The following MAGED1 variants were observed in gnomAD, a reference collection of about 807,000 sequenced individuals.
MAGED1 encodes melanoma-associated antigen D1.
In MAGED1, 3 loss-of-function variants were observed where a neutral mutation model predicts 54.1. That is an observed-to-expected ratio of 0.06 (90% CI 0.03 to 0.14). MAGED1 has a LOEUF of 0.14. Among genes scored for constraint, MAGED1 ranks in the 10% least tolerant of loss-of-function variants. MAGED1 has a pLI of 1.00. For synonymous variants in MAGED1, 217 were observed against 227.3 expected (o/e 0.95, Z 0.41); for missense variants, 485 against 623.4 (o/e 0.78, Z 2.36).
rs1557365052 is a variant in MAGED1, at chrX:51,901,955, G to T, written c.*8+17G>T. On this transcript the variant is annotated intron_variant, in intron 12 of 12. Coordinates refer to ENST00000326587, the MANE Select transcript of MAGED1 (RefSeq NM_006986.4). ...AGATGTTGGGTAGGTACATCACTTT[G>T]GATTGGGCAGTTAGGGTCTCTGGGG... The T allele has an allele frequency of 8.5e-7, 1 of 1,181,999 alleles. No homozygotes were observed. The highest frequency in any genetic ancestry group is 2.3e-5 in the Admixed American group (1 of 43,336).
chrX:51,836,863 C>G (rs1229384985), intron 1 of MAGED1, among the ~76,000 whole-genome samples: 1 of 111,425 alleles, frequency 9.0e-6, no homozygotes, highest in African/African-American at 3.3e-5. Flanking sequence ...TATGAGCCAC[C>G]GCGCCTGGCA....
chrX:51,824,862 CTGTGTGTGTGTGTGTGTG>C (rs58934297), intron 1 of MAGED1, among the ~76,000 whole-genome samples: 1 of 72,671 alleles, frequency 1.4e-5, no homozygotes. Context: ...TCTCAGAAAC[CTGTGTGTGTGTGTGTGTG>C]TGTGTGTGTG....
At chrX:51,808,645 G>A (rs1473464757) in intron 1 of MAGED1, among the ~76,000 whole-genome samples, 1 of 111,753 alleles carries the variant, frequency 8.9e-6, no homozygotes, top group Non-Finnish European at 1.9e-5. Context: ...GGAGTTTGAG[G>A]CTGAAGACAG....
intron 1 of MAGED1, among the ~76,000 whole-genome samples, chrX:51,881,325 C>G (rs1928044887): frequency 9.0e-6 from 1 of 111,409 alleles, no homozygotes; most frequent in Non-Finnish European, 1.9e-5. Context: ...AACATTTTGT[C>G]CATACCACCC....
At chrX:51,884,683 T>G (rs1557362712) in intron 1 of MAGED1, among the ~76,000 whole-genome samples, 6 of 112,022 alleles carry the variant, frequency 5.4e-5, no homozygotes, top group Non-Finnish European at 1.1e-4. Context: ...GAAAGAAACT[T>G]ACACATTAAT....
intron 1 of MAGED1, among the ~76,000 whole-genome samples, chrX:51,875,871 C>T (rs1269424151): frequency 9.0e-6 from 1 of 111,554 alleles, no homozygotes; most frequent in Non-Finnish European, 1.9e-5. Context: ...AGGAGATTAA[C>T]CTTCTTTCAA....
At chrX:51,846,574 G>A (rs1926694175) in intron 1 of MAGED1, among the ~76,000 whole-genome samples, 1 of 111,630 alleles carries the variant, frequency 9.0e-6, no homozygotes, top group Non-Finnish European at 1.9e-5. Flanking sequence ...CTGAGACTGG[G>A]TAATTTACAA....
chrX:51,825,853 T>G (rs1557356931), intron 1 of MAGED1, among the ~76,000 whole-genome samples: 4 of 112,502 alleles, frequency 3.6e-5, no homozygotes, highest in Non-Finnish European at 7.5e-5. Context: ...TTTCCTTTCA[T>G]TCTTTTTATT....
chrX:51,897,671 GATTTCAAAGATTC>G (rs782603181), intron 6 of MAGED1, 45 bp downstream of exon 6: 3 of 1,132,225 alleles, frequency 2.6e-6, no homozygotes, highest in Middle Eastern at 2.4e-4. Flanking sequence ...GGAAAGTCTT[GATTTCAAAGATTC>G]ATGGGGTTCC....
intron 1 of MAGED1, among the ~76,000 whole-genome samples, chrX:51,878,074 AG>A (rs1927937580): frequency 9.0e-6 from 1 of 111,618 alleles, no homozygotes; most frequent in Non-Finnish European, 1.9e-5. Context: ...GAAATTTTCC[AG>A]TGCAAATCAA....
chrX:51,860,923 T>C (rs1444620743), intron 1 of MAGED1, among the ~76,000 whole-genome samples: 1 of 111,048 alleles, frequency 9.0e-6, no homozygotes, highest in Non-Finnish European at 1.9e-5. Flanking sequence ...CTCTCTTGTC[T>C]TCAGTCTTCC....
chrX:51,828,440 A>T (rs782699746), intron 1 of MAGED1, among the ~76,000 whole-genome samples: 2 of 111,232 alleles, frequency 1.8e-5, no homozygotes, highest in African/African-American at 3.3e-5. Context: ...CTTTATGAAG[A>T]TTCAAGTTTC....
intron 1 of MAGED1, among the ~76,000 whole-genome samples, chrX:51,874,343 A>G (rs149645101): frequency 0.013 from 1,480 of 111,437 alleles, 27 homozygotes; most frequent in African/African-American, 0.047. Context: ...TCAGGGAAGT[A>G]AAAGCAGGGA....
chrX:51,899,883 G>C, intron 10 of MAGED1: 1 of 262,038 alleles, frequency 3.8e-6, no homozygotes, highest in South Asian at 4.6e-5. Flanking sequence ...GGACCTCTGT[G>C]GCTCACTGAC....
chrX:51,843,329 G>A (rs980231205), intron 1 of MAGED1, among the ~76,000 whole-genome samples: 2 of 111,759 alleles, frequency 1.8e-5, no homozygotes, highest in Non-Finnish European at 3.8e-5. Context: ...GAAATGAGGG[G>A]ATTATCCTGG....
chrX:51,843,137 C>T (rs1926567918), intron 1 of MAGED1, among the ~76,000 whole-genome samples: 1 of 111,979 alleles, frequency 8.9e-6, no homozygotes, highest in South Asian at 3.7e-4. Flanking sequence ...TTAACTGTTG[C>T]TTCTCCTTTC....
chrX:51,807,893 T>C (rs782184696), intron 1 of MAGED1, among the ~76,000 whole-genome samples: 1 of 111,917 alleles, frequency 8.9e-6, no homozygotes, highest in Non-Finnish European at 1.9e-5. Context: ...TGGTTATTCC[T>C]GGTCTTTTTC....
chrX:51,824,862 CTGTGTGTGTGTG>C (rs58934297), intron 1 of MAGED1, among the ~76,000 whole-genome samples: 23 of 72,652 alleles, frequency 3.2e-4, no homozygotes, highest in African/African-American at 9.4e-4. Flanking sequence ...TCTCAGAAAC[CTGTGTGTGTGTG>C]TGTGTGTGTG....
chrX:51,850,212 C>T (rs781835928), intron 1 of MAGED1, among the ~76,000 whole-genome samples: 43 of 111,913 alleles, frequency 3.8e-4, no homozygotes, highest in Non-Finnish European at 7.9e-4. Context: ...TGAGGCACTG[C>T]GCCCGGCCTG....
Sources: gnomAD v4.1 joint callset for allele counts (sites outside exome capture counted in the v4.1 genomes callset) on GRCh38, gnomAD v4.1.1 for gene constraint, MANE v1.5 for transcripts, NCBI Gene and HGNC (gene_info 2026-07-23, HGNC 2026-07-21) for gene names.